Variants in ERBB4 observed in about 807,000 individuals in gnomAD.
ERBB4 encodes receptor tyrosine-protein kinase erbB-4.
A neutral mutation model predicts 158.0 loss-of-function variants in ERBB4; 42 were observed. The ratio of observed to expected loss-of-function variants is 0.27; its 90% confidence interval spans 0.21 to 0.34. ERBB4 has a LOEUF of 0.34. Among genes scored for constraint, ERBB4 ranks in the 10% least tolerant of loss-of-function variants. ERBB4 has a pLI of 1.00. For synonymous variants in ERBB4, 583 were observed against 558.7 expected (o/e 1.04, Z -0.61); for missense variants, 1,333 against 1,624.1 (o/e 0.82, Z 3.08).
chr2:211,553,424 C>T (rs1038551992), intron 20 of ERBB4, among the ~76,000 whole-genome samples: 6 of 152,134 alleles, frequency 3.9e-5, no homozygotes, highest in Non-Finnish European at 7.4e-5. Context: ...CCCTGCTCTC[C>T]TCAGCCTGGT....
At chr2:212,147,249 ACCTGCCTAG>A (rs1287334455) in intron 1 of ERBB4, among the ~76,000 whole-genome samples, 1 of 133,662 alleles carries the variant, frequency 7.5e-6, no homozygotes, top group African/African-American at 2.9e-5. Context: ...CAAGCCATCC[ACCTGCCTAG>A]CCTCCCTAAG....
intron 4 of ERBB4, among the ~76,000 whole-genome samples, chr2:211,783,149 C>G (rs1337849427): frequency 6.6e-6 from 1 of 152,090 alleles, no homozygotes; most frequent in Non-Finnish European, 1.5e-5. Flanking sequence ...TGGGAGTTCA[C>G]CATGATTTGG....
chr2:211,593,342 T>C (rs1369443972), intron 19 of ERBB4, among the ~76,000 whole-genome samples: 1 of 152,130 alleles, frequency 6.6e-6, no homozygotes. Flanking sequence ...TAACAGAAAG[T>C]GGAAACGTTG....
intron 20 of ERBB4, among the ~76,000 whole-genome samples, chr2:211,490,315 T>C (rs985344276): frequency 7.9e-5 from 12 of 151,920 alleles, no homozygotes; most frequent in African/African-American, 2.9e-4. Flanking sequence ...TTTCTTTCTT[T>C]ATAGCATTTA....
At chr2:211,789,613 T>C (rs1271406189) in intron 3 of ERBB4, among the ~76,000 whole-genome samples, 2 of 152,054 alleles carry the variant, frequency 1.3e-5, no homozygotes, top group Non-Finnish European at 2.9e-5. Context: ...TAAGTAACTA[T>C]TGAGGTGGAA....
intron 1 of ERBB4, among the ~76,000 whole-genome samples, chr2:212,362,367 T>C (rs553197363): frequency 1.1e-4 from 16 of 151,588 alleles, no homozygotes; most frequent in African/African-American, 3.9e-4. Flanking sequence ...TTAGGTTATC[T>C]ACCACCTGTT....
At chr2:212,140,317 G>T (rs2080411315) in intron 1 of ERBB4, among the ~76,000 whole-genome samples, 1 of 148,626 alleles carries the variant, frequency 6.7e-6, no homozygotes, top group African/African-American at 2.5e-5. Context: ...GTTGCAAATG[G>T]TTTTCTCTGA....
At chr2:212,412,023 T>C (rs2091514519) in intron 1 of ERBB4, among the ~76,000 whole-genome samples, 1 of 152,116 alleles carries the variant, frequency 6.6e-6, no homozygotes, top group Admixed American at 6.5e-5. Flanking sequence ...GGCAATTAGT[T>C]AGCTTCTTTC....
At chr2:211,796,835 T>C (rs2076392634) in intron 3 of ERBB4, among the ~76,000 whole-genome samples, 1 of 152,002 alleles carries the variant, frequency 6.6e-6, no homozygotes, top group Non-Finnish European at 1.5e-5. Context: ...TGGCAAACAA[T>C]TTAGTAAAAT....
At chr2:211,667,010 G>T (rs1448491132) in intron 14 of ERBB4, among the ~76,000 whole-genome samples, 7 of 151,904 alleles carry the variant, frequency 4.6e-5, no homozygotes, top group African/African-American at 1.7e-4. Context: ...AGTGTCCAGT[G>T]TTTTGGCTTC....
intron 1 of ERBB4, among the ~76,000 whole-genome samples, chr2:212,235,766 C>T (rs991599046): frequency 6.6e-6 from 1 of 152,032 alleles, no homozygotes; most frequent in East Asian, 1.9e-4. Flanking sequence ...TTGGCTCTCT[C>T]TTTGTCTATT....
chr2:211,925,375 G>GTTT (rs2079988778), intron 3 of ERBB4, among the ~76,000 whole-genome samples: 1 of 117,156 alleles, frequency 8.5e-6, no homozygotes, highest in Non-Finnish European at 1.8e-5. Context: ...AAACAAGACT[G>GTTT]CTTTTTTTTT....
At chr2:212,514,872 C>G (rs1445213845) in intron 1 of ERBB4, among the ~76,000 whole-genome samples, 1 of 152,106 alleles carries the variant, frequency 6.6e-6, no homozygotes, top group Non-Finnish European at 1.5e-5. Flanking sequence ...AACAACAGAA[C>G]AGGGAGAAAG....
chr2:211,504,022 C>T (rs986263489), intron 20 of ERBB4, among the ~76,000 whole-genome samples: 2 of 152,104 alleles, frequency 1.3e-5, no homozygotes, highest in African/African-American at 2.4e-5. Flanking sequence ...ACTGCAATTG[C>T]CTCTCACCTG....
chr2:212,251,928 T>C (rs1029044822), intron 1 of ERBB4, among the ~76,000 whole-genome samples: 1 of 151,868 alleles, frequency 6.6e-6, no homozygotes, highest in Admixed American at 6.6e-5. Flanking sequence ...ATCACAAGGG[T>C]AAAAACAAGA....
chr2:212,052,609 T>C (rs904306913), intron 2 of ERBB4, among the ~76,000 whole-genome samples: 3 of 152,214 alleles, frequency 2.0e-5, no homozygotes, highest in Non-Finnish European at 4.4e-5. Flanking sequence ...ATAGAAATGA[T>C]GTTTATAGAT....
chr2:212,192,007 A>ATGTTATATGTT (rs1491138840), intron 1 of ERBB4, among the ~76,000 whole-genome samples: 13,808 of 98,504 alleles, frequency 0.14, 980 homozygotes, highest in South Asian at 0.36. Context: ...TGTTATATAT[A>ATGTTATATGTT]ATATATGTTA....
intron 17 of ERBB4, among the ~76,000 whole-genome samples, chr2:211,627,735 T>C (rs2069917701): frequency 6.6e-6 from 1 of 152,218 alleles, no homozygotes; most frequent in African/African-American, 2.4e-5. Context: ...GTGAATTGTT[T>C]AGATAGGCAC....
intron 1 of ERBB4, among the ~76,000 whole-genome samples, chr2:212,404,324 T>A (rs2091286998): frequency 6.6e-6 from 1 of 152,020 alleles, no homozygotes; most frequent in African/African-American, 2.4e-5. Context: ...TTAGATCAAA[T>A]TCTGTTAATC....
Sources: gnomAD v4.1 joint callset for allele counts (sites outside exome capture counted in the v4.1 genomes callset) on GRCh38, gnomAD v4.1.1 for gene constraint, MANE v1.5 for transcripts, NCBI Gene and HGNC (gene_info 2026-07-23, HGNC 2026-07-21) for gene names.